TMEM232: variants seen among roughly 807,000 people sequenced by gnomAD.
TMEM232 encodes the protein transmembrane protein 232.
In TMEM232, 80 loss-of-function variants were observed where a neutral mutation model predicts 78.8. The observed-to-expected ratio is 1.01, with a 90% confidence interval of 0.85 to 1.22. TMEM232 has a LOEUF of 1.22. Ranked by LOEUF, TMEM232 falls within the 50% of genes most tolerant of loss-of-function variation. The pLI is 0.00. For synonymous variants in TMEM232, 297 were observed against 254.3 expected (o/e 1.17, Z -1.60); for missense variants, 881 against 742.2 (o/e 1.19, Z -2.17).
chr5:110,624,240 T>C (rs956891352), intron 7 of TMEM232, among the ~76,000 whole-genome samples: 4 of 152,124 alleles, frequency 2.6e-5, no homozygotes, highest in Non-Finnish European at 5.9e-5. Context: ...CCTAAATATA[T>C]ATTTTCAGTA....
intron 10 of TMEM232, 24 bp from the exon 11 acceptor site, chr5:110,568,649 G>T: frequency 1.3e-6 from 2 of 1,514,958 alleles, no homozygotes; most frequent in South Asian, 1.3e-5. Context: ...AAAAGTCTTT[G>T]GGAATTATCA....
At chr5:110,580,407 T>C (rs189180149) in intron 10 of TMEM232, among the ~76,000 whole-genome samples, 255 of 151,790 alleles carry the variant, frequency 1.7e-3, no homozygotes, top group Non-Finnish European at 2.8e-3. Flanking sequence ...CTAGGAGCAA[T>C]AGGCTATACC....
At chr5:110,619,733 C>A (rs1783392956) in intron 7 of TMEM232, among the ~76,000 whole-genome samples, 1 of 152,060 alleles carries the variant, frequency 6.6e-6, no homozygotes, top group Non-Finnish European at 1.5e-5. Flanking sequence ...ATTCTTTTCT[C>A]AAATTGCTCT....
At chr5:110,700,778 A>G (rs867964808) in intron 1 of TMEM232, among the ~76,000 whole-genome samples, 4 of 125,628 alleles carry the variant, frequency 3.2e-5, no homozygotes, top group Admixed American at 7.8e-5. Flanking sequence ...AGGTAGATAG[A>G]TAGATAGGTA....
At chr5:110,734,810 G>T (rs753258184) in intron 2 of TMEM232, 3 of 152,046 alleles carry the variant, frequency 2.0e-5, no homozygotes, top group Non-Finnish European at 2.9e-5. Flanking sequence ...CACCTCTATT[G>T]TTTGAAAGAT....
intron 10 of TMEM232, among the ~76,000 whole-genome samples, chr5:110,582,062 AATGTAAATTAGTTCAGCCAC>A (rs979205730): frequency 2.0e-5 from 3 of 152,046 alleles, no homozygotes; most frequent in African/African-American, 7.2e-5. Context: ...TGTTGGTGGG[AATGTAAATTAGTTCAGCCAC>A]AGTGGAAAGC....
chr5:110,635,655 T>G (rs939889836), intron 5 of TMEM232, among the ~76,000 whole-genome samples: 2 of 151,918 alleles, frequency 1.3e-5, no homozygotes, highest in Admixed American at 6.6e-5. Flanking sequence ...GTCTCCAGAC[T>G]AGGCATAGAA....
At chr5:110,399,980 G>C (rs1755532401) in intron 2 of TMEM232, among the ~76,000 whole-genome samples, 1 of 152,156 alleles carries the variant, frequency 6.6e-6, no homozygotes, top group South Asian at 2.1e-4. Context: ...TTGCGGGGTG[G>C]AGATGGAAGC....
upstream of TMEM232, among the ~76,000 whole-genome samples, chr5:110,728,915 G>A (rs548308716): frequency 3.4e-5 from 5 of 145,268 alleles, no homozygotes; most frequent in East Asian, 2.0e-4. Context: ...ATGAAGTCTC[G>A]CTTTTGTCCC....
chr5:110,470,713 A>G (rs1163997221), intron 12 of TMEM232, among the ~76,000 whole-genome samples: 7 of 152,164 alleles, frequency 4.6e-5, no homozygotes, highest in Admixed American at 2.0e-4. Context: ...TAACCAGGAC[A>G]TTAAGACCCA....
At chr5:110,594,534 C>G (rs1321091462) in intron 10 of TMEM232, among the ~76,000 whole-genome samples, 1 of 152,128 alleles carries the variant, frequency 6.6e-6, no homozygotes, top group Admixed American at 6.6e-5. Flanking sequence ...CTTTATGGAG[C>G]CCAGCAAGCC....
intron 10 of TMEM232, among the ~76,000 whole-genome samples, chr5:110,602,018 CAAACCTGACA>C (rs1780973832): frequency 6.6e-6 from 1 of 152,132 alleles, no homozygotes; most frequent in African/African-American, 2.4e-5. Flanking sequence ...TGATCTTCGA[CAAACCTGACA>C]AAAACAAGCA....
chr5:110,709,602 C>T (rs1184772455), intron 1 of TMEM232, among the ~76,000 whole-genome samples: 4 of 151,834 alleles, frequency 2.6e-5, no homozygotes, highest in East Asian at 1.9e-4. Context: ...TATACAAACA[C>T]GTGAAAATTA....
intron 11 of TMEM232, among the ~76,000 whole-genome samples, chr5:110,530,578 A>T (rs1017980630): frequency 6.6e-6 from 1 of 152,232 alleles, no homozygotes; most frequent in Non-Finnish European, 1.5e-5. Context: ...ATTTGTAACA[A>T]CATGGATGAA....
At chr5:110,580,761 T>G (rs1444260252) in intron 10 of TMEM232, among the ~76,000 whole-genome samples, 1 of 151,134 alleles carries the variant, frequency 6.6e-6, no homozygotes, top group Non-Finnish European at 1.5e-5. Context: ...CACATAAAAA[T>G]TTCTCCAGAA....
chr5:110,548,387 A>G (rs985232287), intron 11 of TMEM232, among the ~76,000 whole-genome samples: 4 of 147,738 alleles, frequency 2.7e-5, no homozygotes, highest in Non-Finnish European at 1.5e-5. Flanking sequence ...AATTAATCTT[A>G]AATATTAAAA....
intron 1 of TMEM232, among the ~76,000 whole-genome samples, chr5:110,697,145 A>T (rs138147843): frequency 6.6e-6 from 1 of 152,172 alleles, no homozygotes; most frequent in Non-Finnish European, 1.5e-5. Context: ...ATAATGCCGC[A>T]TATCTGCAAC....
chr5:110,584,459 G>A (rs772539483), intron 10 of TMEM232, among the ~76,000 whole-genome samples: 12 of 152,042 alleles, frequency 7.9e-5, no homozygotes, highest in East Asian at 1.9e-4. Context: ...TAAGCTGCCC[G>A]AGGCAAAGAA....
intron 12 of TMEM232, among the ~76,000 whole-genome samples, chr5:110,428,506 T>C (rs1255616647): frequency 1.3e-5 from 2 of 151,776 alleles, no homozygotes; most frequent in Non-Finnish European, 2.9e-5. Flanking sequence ...CCAGTCTCTG[T>C]GGGAGGTCTA....
Sources: allele counts gnomAD v4.1 joint callset (sites outside exome capture counted in the v4.1 genomes callset), GRCh38; gene constraint gnomAD v4.1.1; transcripts MANE v1.5; gene names NCBI Gene and HGNC (gene_info 2026-07-23, HGNC 2026-07-21).